Variants in DGKI observed in about 807,000 individuals in gnomAD.
The protein encoded by DGKI is DAG kinase iota.
A neutral mutation model predicts 147.5 loss-of-function variants in DGKI; 55 were observed. The ratio of observed to expected loss-of-function variants is 0.37; its 90% confidence interval spans 0.30 to 0.47. The LOEUF is 0.47. Among genes scored for constraint, DGKI ranks in the 20% least tolerant of loss-of-function variants. The probability of loss-of-function intolerance (pLI) is 1.00; values close to 1 mark genes in which losing one functional copy is unlikely to be tolerated. For synonymous variants in DGKI, 469 were observed against 477.1 expected (o/e 0.98, Z 0.22); for missense variants, 1,007 against 1,323.8 (o/e 0.76, Z 3.71).
intron 30 of DGKI, among the ~76,000 whole-genome samples, chr7:137,401,286 C>A (rs1811748534): frequency 6.6e-6 from 1 of 151,862 alleles, no homozygotes; most frequent in Admixed American, 6.6e-5. Context: ...AATCCCAGCA[C>A]TTTGGGACAG....
intron 6 of DGKI, among the ~76,000 whole-genome samples, chr7:137,627,292 G>A (rs945624065): frequency 3.9e-5 from 6 of 152,138 alleles, no homozygotes; most frequent in African/African-American, 1.2e-4. Context: ...GCTGCCCTAT[G>A]TGGCTGGTTA....
chr7:137,445,173 T>C (rs1382070980), intron 27 of DGKI, among the ~76,000 whole-genome samples: 2 of 152,236 alleles, frequency 1.3e-5, no homozygotes, highest in Non-Finnish European at 2.9e-5. Context: ...AATTTTTAGC[T>C]ACTTTGGGAT....
At chr7:137,517,477 G>C (rs1376713785) in intron 21 of DGKI, among the ~76,000 whole-genome samples, 1 of 151,978 alleles carries the variant, frequency 6.6e-6, no homozygotes, top group Non-Finnish European at 1.5e-5. Context: ...GAAGAGACTA[G>C]GGAGCTATGA....
chr7:137,638,587 C>CAT (rs1283451581), intron 6 of DGKI, among the ~76,000 whole-genome samples: 1 of 23,352 alleles, frequency 4.3e-5, no homozygotes, highest in Non-Finnish European at 1.1e-4. Flanking sequence ...TATATATACA[C>CAT]ATATATACAT....
intron 1 of DGKI, among the ~76,000 whole-genome samples, chr7:137,759,426 C>T (rs1357135068): frequency 6.6e-6 from 1 of 152,202 alleles, no homozygotes; most frequent in South Asian, 2.1e-4. Context: ...ACTGCAACCT[C>T]CGCCTCCCAG....
chr7:137,560,574 G>T (rs950192477), intron 19 of DGKI, among the ~76,000 whole-genome samples: 1 of 147,244 alleles, frequency 6.8e-6, no homozygotes, highest in African/African-American at 2.7e-5. Context: ...CAAACCTCAT[G>T]GAGCAAAAGG....
chr7:137,766,609 G>A (rs1796021235), intron 1 of DGKI, among the ~76,000 whole-genome samples: 1 of 152,108 alleles, frequency 6.6e-6, no homozygotes, highest in Non-Finnish European at 1.5e-5. Context: ...ACTTCCTCCA[G>A]GGCAAAGAGA....
At chr7:137,510,098 A>C (rs956078308) in intron 21 of DGKI, among the ~76,000 whole-genome samples, 6 of 152,234 alleles carry the variant, frequency 3.9e-5, no homozygotes, top group Non-Finnish European at 8.8e-5. Context: ...GTGGTTATCC[A>C]GGAGCAAGTA....
At chr7:137,802,160 T>A (rs2116965516) in intron 1 of DGKI, among the ~76,000 whole-genome samples, 1 of 152,180 alleles carries the variant, frequency 6.6e-6, no homozygotes, top group South Asian at 2.1e-4. Context: ...CCAAATACTG[T>A]ATGTTCTCTA....
chr7:137,478,906 A>G (rs1815272144), intron 23 of DGKI, among the ~76,000 whole-genome samples: 1 of 152,182 alleles, frequency 6.6e-6, no homozygotes, highest in African/African-American at 2.4e-5. Context: ...CAATAGAGAG[A>G]AAAAACACAA....
chr7:137,428,174 C>T (rs980024384), intron 28 of DGKI, among the ~76,000 whole-genome samples: 1 of 146,542 alleles, frequency 6.8e-6, no homozygotes, highest in African/African-American at 2.5e-5. Context: ...CAAAACGAAT[C>T]CAGCAGCACA....
chr7:137,779,871 T>C (rs1796467675), intron 1 of DGKI, among the ~76,000 whole-genome samples: 1 of 152,224 alleles, frequency 6.6e-6, no homozygotes, highest in South Asian at 2.1e-4. Context: ...TCAGTATAAG[T>C]TGTTTTTTAA....
At position 137,549,370 on chromosome 7, in the gene DGKI, A is replaced by G. The variant is rs1384423536; in HGVS notation, c.2147+2999T>C. ...AAGGAGCACTGGCATCTAAGTGGAAAGGGAACTGTTGTTACGGGAGCCACA... is the reference window on the plus strand; with the variant it reads ...AAGGAGCACTGGCATCTAAGTGGAAGGGGAACTGTTGTTACGGGAGCCACA... On this transcript the variant is annotated intron_variant, in intron 20 of 32. Coordinates refer to ENST00000614521, the MANE Select transcript of DGKI (RefSeq NM_001321708.2). 2.6e-5 allele frequency among the ~76,000 whole-genome samples: 4 copies of G among 152,234 alleles called. No individual in the cohort carries two copies. The East Asian group carries it at 7.7e-4, about 29-fold the overall frequency.
At chr7:137,643,865 T>C (rs1009502766) in intron 6 of DGKI, among the ~76,000 whole-genome samples, 6 of 152,216 alleles carry the variant, frequency 3.9e-5, no homozygotes, top group African/African-American at 1.4e-4. Context: ...GCTTACATTA[T>C]TGAGGTGGTG....
chr7:137,535,170 T>A (rs1817475053), intron 20 of DGKI, among the ~76,000 whole-genome samples: 1 of 152,160 alleles, frequency 6.6e-6, no homozygotes, highest in South Asian at 2.1e-4. Flanking sequence ...ACTAAAAAGA[T>A]GCACAAAAAG....
At chr7:137,427,677 GAGA>G (rs1382431516) in intron 28 of DGKI, among the ~76,000 whole-genome samples, 1 of 151,550 alleles carries the variant, frequency 6.6e-6, no homozygotes, top group Non-Finnish European at 1.5e-5. Flanking sequence ...GAAAAAAAGA[GAGA>G]AGAATCAAAT....
At chr7:137,604,048 C>T (rs706571) in intron 10 of DGKI, among the ~76,000 whole-genome samples, 3,857 of 152,272 alleles carry the variant, frequency 0.025, 176 homozygotes, top group African/African-American at 0.088. Context: ...CCAGACCTAT[C>T]ACAGGAGCTA....
At position 137,387,676 on chromosome 7, in the gene DGKI, T is replaced by C. The variant is rs1359025361; in HGVS notation, c.*3544A>G. 1 of 152,140 alleles carries C rather than the reference T, an allele frequency of 6.6e-6. No homozygotes were observed. The highest frequency in any genetic ancestry group is 2.4e-5 in the African/African-American group (1 of 41,440). The allele number at this position is 152,140 out of a possible 1,614,324, so 9.4% of individuals were successfully genotyped here. A position where few individuals can be genotyped will look rare whatever the true frequency, so the allele number is the denominator to read the frequency against. The stretch of plus-strand genomic sequence containing the variant: ...TCATCAGTGTTAACCGTATTTATTT[T>C]TGGGAAGTGGGACACAACACCAGAA... On this transcript the variant is annotated 3_prime_UTR_variant, in exon 33 of 33. Transcript: ENST00000614521.
chr7:137,807,229 G>A (rs1207799623), intron 1 of DGKI, among the ~76,000 whole-genome samples: 2 of 152,132 alleles, frequency 1.3e-5, no homozygotes, highest in African/African-American at 4.8e-5. Flanking sequence ...TCAAATACAA[G>A]GACTTTTTAA....
Sources: allele counts gnomAD v4.1 joint callset (sites outside exome capture counted in the v4.1 genomes callset), GRCh38; gene constraint gnomAD v4.1.1; transcripts MANE v1.5; gene names NCBI Gene and HGNC (gene_info 2026-07-23, HGNC 2026-07-21).